Variants in WWOX observed in about 807,000 individuals in gnomAD.
WWOX encodes the protein WW domain containing oxidoreductase.
Under a neutral mutation model 46.2 loss-of-function variants are expected in WWOX, and 69 were observed. The ratio of observed to expected loss-of-function variants is 1.49; its 90% confidence interval spans 1.23 to 1.82. WWOX has a LOEUF of 1.82. Among genes scored for constraint, WWOX ranks in the 40% most tolerant of loss-of-function variants. The pLI is 0.00. For missense variants in WWOX, 919 were observed against 542.6 expected (o/e 1.69, Z -6.89); for synonymous variants, 359 against 202.6 (o/e 1.77, Z -6.56).
chr16:78,944,060 T>C (rs572733413), intron 8 of WWOX, among the ~76,000 whole-genome samples: 47 of 152,324 alleles, frequency 3.1e-4, no homozygotes, highest in African/African-American at 9.9e-4. Flanking sequence ...CAAGGACGTA[T>C]TGATTTCTGA....
At chr16:78,390,245 C>T (rs2082150644) in intron 6 of WWOX, among the ~76,000 whole-genome samples, 1 of 152,212 alleles carries the variant, frequency 6.6e-6, no homozygotes, top group African/African-American at 2.4e-5. Context: ...TGGAAGTGAG[C>T]AGCTTTGCTG....
At chr16:78,205,523 A>C (rs938799072) in intron 5 of WWOX, among the ~76,000 whole-genome samples, 2 of 151,198 alleles carry the variant, frequency 1.3e-5, no homozygotes, top group African/African-American at 4.9e-5. Context: ...CCACTCATCT[A>C]TCCACCCATC....
At chr16:78,307,535 G>T (rs1298475364) in intron 5 of WWOX, among the ~76,000 whole-genome samples, 1 of 152,244 alleles carries the variant, frequency 6.6e-6, no homozygotes, top group African/African-American at 2.4e-5. Context: ...TGAAAGAGGT[G>T]AGAAATGGAT....
chr16:79,038,577 T>G (rs1368120996), intron 8 of WWOX, among the ~76,000 whole-genome samples: 2 of 152,182 alleles, frequency 1.3e-5, no homozygotes, highest in Admixed American at 6.5e-5. Context: ...GAGACAGAGT[T>G]TCTCTCTTGT....
At chr16:79,146,152 T>C (rs922741561) in intron 8 of WWOX, among the ~76,000 whole-genome samples, 1 of 152,238 alleles carries the variant, frequency 6.6e-6, no homozygotes, top group African/African-American at 2.4e-5. Context: ...GTGTATGATA[T>C]GAAGTAGGCT....
At chr16:78,658,579 C>G (rs942050971) in intron 8 of WWOX, among the ~76,000 whole-genome samples, 1 of 152,160 alleles carries the variant, frequency 6.6e-6, no homozygotes, top group Non-Finnish European at 1.5e-5. Context: ...TGCCTCTCCT[C>G]CAGCCTCTGG....
chr16:78,262,425 A>G (rs2079265410), intron 5 of WWOX, among the ~76,000 whole-genome samples: 1 of 152,196 alleles, frequency 6.6e-6, no homozygotes, highest in African/African-American at 2.4e-5. Context: ...CAATCTCTTT[A>G]TTAATTTATT....
intron 8 of WWOX, among the ~76,000 whole-genome samples, chr16:78,630,233 A>G (rs1000249249): frequency 2.0e-5 from 3 of 152,138 alleles, no homozygotes; most frequent in South Asian, 2.1e-4. Flanking sequence ...CTGGGGTCCT[A>G]TTTTGCTCAC....
intron 5 of WWOX, among the ~76,000 whole-genome samples, chr16:78,356,805 C>T (rs534071912): frequency 8.5e-5 from 13 of 152,228 alleles, no homozygotes; most frequent in Admixed American, 6.5e-4. Flanking sequence ...TTTCTTGAAC[C>T]TGGGAGGTGG....
chr16:78,913,281 C>T (rs771429947), intron 8 of WWOX, among the ~76,000 whole-genome samples: 1 of 151,958 alleles, frequency 6.6e-6, no homozygotes, highest in African/African-American at 2.4e-5. Flanking sequence ...CATCAGCAAG[C>T]CCGTTTTTTG....
intron 8 of WWOX, among the ~76,000 whole-genome samples, chr16:78,471,605 C>T (rs924091987): frequency 2.6e-5 from 4 of 152,114 alleles, no homozygotes; most frequent in Non-Finnish European, 5.9e-5. Context: ...TCTATTATTG[C>T]CCTTTTTCTT....
chr16:78,169,954 C>A (rs1421799851), intron 5 of WWOX, among the ~76,000 whole-genome samples: 1 of 152,144 alleles, frequency 6.6e-6, no homozygotes, highest in Admixed American at 6.5e-5. Context: ...TGTTGTGAAA[C>A]ATCAGCATCT....
At chr16:78,887,398 G>A (rs1372070979) in intron 8 of WWOX, among the ~76,000 whole-genome samples, 1 of 150,644 alleles carries the variant, frequency 6.6e-6, no homozygotes. Flanking sequence ...CGCTTCCAAG[G>A]CACCTGTTTG....
intron 8 of WWOX, among the ~76,000 whole-genome samples, chr16:79,165,614 G>T (rs1315513582): frequency 6.6e-6 from 1 of 152,168 alleles, no homozygotes; most frequent in African/African-American, 2.4e-5. Context: ...GTGAAAGCGT[G>T]CTTCTCAGGA....
At chr16:78,604,248 C>T (rs2045691019) in intron 8 of WWOX, among the ~76,000 whole-genome samples, 1 of 152,120 alleles carries the variant, frequency 6.6e-6, no homozygotes, top group Non-Finnish European at 1.5e-5. Flanking sequence ...AATGTAACTC[C>T]TGGGGCACCC....
intron 8 of WWOX, among the ~76,000 whole-genome samples, chr16:79,054,312 C>T (rs899665552): frequency 2.6e-5 from 4 of 152,130 alleles, no homozygotes; most frequent in African/African-American, 9.7e-5. Flanking sequence ...AAACATATCC[C>T]CCAGCTATCC....
At chr16:79,180,290 G>T (rs777532082) in intron 8 of WWOX, among the ~76,000 whole-genome samples, 1 of 152,178 alleles carries the variant, frequency 6.6e-6, no homozygotes, top group Non-Finnish European at 1.5e-5. Context: ...TTGCTTAAGT[G>T]TGCACAAGGT....
chr16:78,496,893 C>T (rs189491338), intron 8 of WWOX, among the ~76,000 whole-genome samples: 2 of 152,316 alleles, frequency 1.3e-5, no homozygotes, highest in African/African-American at 2.4e-5. Context: ...ACTGTTGAAG[C>T]CAGATGGCCT....
chr16:78,257,006 G>T (rs146123754), intron 5 of WWOX, among the ~76,000 whole-genome samples: 56 of 152,150 alleles, frequency 3.7e-4, no homozygotes, highest in African/African-American at 1.3e-3. Context: ...ACTCTTAATG[G>T]CACATTAGGC....
Sources: allele counts gnomAD v4.1 joint callset (sites outside exome capture counted in the v4.1 genomes callset), GRCh38; gene constraint gnomAD v4.1.1; transcripts MANE v1.5; gene names NCBI Gene and HGNC (gene_info 2026-07-23, HGNC 2026-07-21).